Variants in TRPC5 observed in about 807,000 individuals in gnomAD.
The protein encoded by TRPC5 is transient receptor potential cation channel subfamily C member 5.
In TRPC5, 9 loss-of-function variants were observed where a neutral mutation model predicts 56.5. That is an observed-to-expected ratio of 0.16 (90% CI 0.10 to 0.28). The LOEUF (loss-of-function observed/expected upper bound fraction) is 0.28, where lower values mean the gene tolerates loss of function less well. Among genes scored for constraint, TRPC5 ranks in the 10% least tolerant of loss-of-function variants. TRPC5 has a pLI of 1.00. For synonymous variants in TRPC5, 282 were observed against 278.5 expected, an observed-to-expected ratio of 1.01 and a Z score of -0.13; for missense variants, 469 against 748.9, an observed-to-expected ratio of 0.63 and a Z score of 4.36.
intron 1 of TRPC5, among the ~76,000 whole-genome samples, chrX:112,068,985 G>T (rs1930653562): frequency 8.9e-6 from 1 of 111,766 alleles, no homozygotes; most frequent in East Asian, 2.8e-4. Flanking sequence ...CTTGCCCAAG[G>T]TCTTATGACT....
intron 3 of TRPC5, chrX:111,902,820 A>G (rs1925418247): frequency 8.9e-6 from 1 of 112,200 alleles, no homozygotes; most frequent in African/African-American, 3.2e-5. Context: ...GCTGGGACCA[A>G]GAGTTCCAGT....
At chrX:112,004,929 C>T (rs937508476) in intron 1 of TRPC5, among the ~76,000 whole-genome samples, 6 of 111,033 alleles carry the variant, frequency 5.4e-5, no homozygotes, top group African/African-American at 2.0e-4. Context: ...AACATGGACA[C>T]CAGGAAATTG....
intron 7 of TRPC5, among the ~76,000 whole-genome samples, chrX:111,782,365 ATAG>A (rs1375982704): frequency 3.6e-5 from 4 of 111,989 alleles, no homozygotes; most frequent in African/African-American, 9.7e-5. Context: ...AGCACAGATA[ATAG>A]TAGCAAAACG....
At chrX:111,873,537 C>T (rs1441614012) in intron 3 of TRPC5, among the ~76,000 whole-genome samples, 1 of 111,073 alleles carries the variant, frequency 9.0e-6, no homozygotes, top group Non-Finnish European at 1.9e-5. Context: ...AATCCCAGCA[C>T]TTTGGGAGGC....
intron 7 of TRPC5, among the ~76,000 whole-genome samples, chrX:111,834,231 T>G (rs1319263307): frequency 8.9e-6 from 1 of 111,859 alleles, no homozygotes. Flanking sequence ...GCAAAAAAAT[T>G]CAGCAATGGA....
chrX:112,019,699 T>C (rs1929223491), intron 1 of TRPC5, among the ~76,000 whole-genome samples: 1 of 112,195 alleles, frequency 8.9e-6, no homozygotes, highest in Non-Finnish European at 1.9e-5. Flanking sequence ...CCTCCCAAAG[T>C]GCTGGGATTA....
At chrX:111,998,819 A>C (rs1293969663) in intron 1 of TRPC5, among the ~76,000 whole-genome samples, 1 of 112,226 alleles carries the variant, frequency 8.9e-6, no homozygotes, top group East Asian at 2.8e-4. Flanking sequence ...CAATGGATGA[A>C]CGTATGTTCA....
chrX:111,873,716 G>A (rs901038926), intron 3 of TRPC5, among the ~76,000 whole-genome samples: 1 of 110,521 alleles, frequency 9.0e-6, no homozygotes, highest in Non-Finnish European at 1.9e-5. Flanking sequence ...CCCAGGAGGC[G>A]GAGGTTGCAG....
chrX:112,028,366 G>A lies in TRPC5; in HGVS notation c.-22+53513C>T, dbSNP rs1929480396. Among the ~76,000 whole-genome samples the A allele has an allele frequency of 2.7e-5, 3 of 110,615 alleles. No homozygotes were observed. The South Asian group carries it at 1.1e-3, about 42-fold the overall frequency. On this transcript the variant is annotated intron_variant, in intron 1 of 10. Transcript: ENST00000262839. ...AGGTATACATGTGCCATGTTGGTTT[G>A]CTGCACGCATCAACTCATCATTTAC...
rs1209684442 is a variant in TRPC5 at position 111,775,924 on chromosome X, T to G, written c.*389A>C. ...CACATCCCTCAGCTCTGCGGGAAAA[T>G]GGCATGAGATTCTGAGGATGGTCAG... On this transcript the variant is annotated 3_prime_UTR_variant, in exon 11 of 11. Coordinates refer to ENST00000262839, the MANE Select transcript of TRPC5 (RefSeq NM_012471.3). The G allele has an allele frequency of 7.8e-6, 1 of 128,516 alleles. No individual in the cohort carries two copies. The highest frequency in any genetic ancestry group is 1.5e-5 in the Non-Finnish European group (1 of 64,601). The allele number at this position is 128,516 out of a possible 1,213,427, so 10.6% of individuals were successfully genotyped here.
At chrX:111,806,061 T>C (rs1403482667) in intron 7 of TRPC5, among the ~76,000 whole-genome samples, 2 of 111,948 alleles carry the variant, frequency 1.8e-5, no homozygotes, top group African/African-American at 6.5e-5. Context: ...GTTTTATTGG[T>C]AAAGGTATAT....
At position 111,912,689 on chromosome X, in the gene TRPC5, T is replaced by C; in HGVS notation, c.502A>G (p.Ile168Val). 8.3e-7 allele frequency: 1 copy of C among 1,210,824 alleles called. No individual in the cohort carries two copies. Among genetic ancestry groups the C allele is most frequent in the Non-Finnish European group, 1.1e-6 (1 of 895,484 alleles). The change falls in exon 3 of 11, where the codon ATC becomes GTC. Residue 168 changes from isoleucine to valine, a missense_variant. Physicochemically the swap from Ile to Val is conservative, Grantham distance 29 (BLOSUM62 3). This residue lies in a region of TRPC5 where 118 missense variants were observed against 167.1 expected (regional missense o/e 0.71). Transcript: ENST00000262839. ...IKLLVQKRVT[I>V]PRPHQIRCNC... ...CAGCGGATCTGGTGGGGCCGTGGGA[T>C]AGTGACCCGTTTTTGGACAAGCAAT...
intron 7 of TRPC5, among the ~76,000 whole-genome samples, chrX:111,815,358 C>T (rs781295437): frequency 9.0e-6 from 1 of 111,414 alleles, no homozygotes; most frequent in South Asian, 3.8e-4. Flanking sequence ...GTTTAACAAG[C>T]TTCTTTCGAT....
rs1928998303 is a variant in TRPC5, at chrX:112,011,727, C to A, written c.-21-59286G>T. On this transcript the variant is annotated intron_variant, in intron 1 of 10. Transcript: ENST00000262839. ...ATATCAAAATAGTGGTGAGTCCGTT[C>A]ATTCACTAAGCCAAAATAGAGCATT... Among the ~76,000 whole-genome samples, 3 of 111,057 alleles carry A rather than the reference C, an allele frequency of 2.7e-5. No homozygotes were observed. The South Asian group carries it at 1.2e-3, about 43-fold the overall frequency.
At chrX:111,874,165 A>T (rs1303277908) in intron 3 of TRPC5, among the ~76,000 whole-genome samples, 1 of 112,852 alleles carries the variant, frequency 8.9e-6, no homozygotes, top group Non-Finnish European at 1.9e-5. Flanking sequence ...CATGCCAAGT[A>T]CTTGGGACAC....
intron 7 of TRPC5, among the ~76,000 whole-genome samples, chrX:111,786,075 A>G (rs7892453): frequency 0.078 from 8,687 of 110,799 alleles, 877 homozygotes; most frequent in African/African-American, 0.27. Context: ...CATCACAAAG[A>G]TACTCCTTGA....
chrX:111,967,446 C>A (rs1029079701), intron 1 of TRPC5, among the ~76,000 whole-genome samples: 10 of 111,518 alleles, frequency 9.0e-5, no homozygotes, highest in Non-Finnish European at 1.9e-4. Context: ...ATCAAGCTAC[C>A]AATGACTTTC....
chrX:111,965,004 G>T (rs1382114698), intron 1 of TRPC5, among the ~76,000 whole-genome samples: 1 of 111,883 alleles, frequency 8.9e-6, no homozygotes, highest in Non-Finnish European at 1.9e-5. Flanking sequence ...TGGGCTAAAT[G>T]CTCCAGTTAA....
At chrX:112,060,140 A>T (rs1176563739) in intron 1 of TRPC5, among the ~76,000 whole-genome samples, 1 of 111,967 alleles carries the variant, frequency 8.9e-6, no homozygotes, top group East Asian at 2.8e-4. Context: ...TTTTGAATTT[A>T]AATTCTTGGT....
Sources: gnomAD v4.1 joint callset for allele counts (sites outside exome capture counted in the v4.1 genomes callset) on GRCh38, gnomAD v4.1.1 for gene constraint, gnomAD v4.1.1 regional missense constraint, MANE v1.5 for transcripts, NCBI Gene and HGNC (gene_info 2026-07-23, HGNC 2026-07-21) for gene names.